BTBD8: variants seen among roughly 807,000 people sequenced by gnomAD.
BTBD8 encodes the protein BTB domain containing 8.
BTBD8 carries 110 observed loss-of-function variants against 162.9 expected under a neutral mutation model. The ratio of observed to expected loss-of-function variants is 0.68; its 90% CI spans 0.58 to 0.79. The LOEUF is 0.79. Among genes scored for constraint, BTBD8 ranks in the 30% least tolerant of loss-of-function variants. The probability of loss-of-function intolerance (pLI) is 0.00; values close to 1 mark genes in which losing one functional copy is unlikely to be tolerated. For missense variants in BTBD8, 1,905 were observed against 2,085.4 expected (o/e 0.91, Z 1.68); for synonymous variants, 667 against 716.1 (o/e 0.93, Z 1.10).
At chr1:92,120,707 G>C (rs1391168781) in intron 4 of BTBD8, among the ~76,000 whole-genome samples, 3 of 152,012 alleles carry the variant, frequency 2.0e-5, no homozygotes, top group Non-Finnish European at 4.4e-5. Context: ...TAATCTTATG[G>C]GACCATCTTC....
chr1:92,182,499 C>T lies in BTBD8; in HGVS notation c.4816C>T (p.Leu1606=), dbSNP rs1162230041. 4 of 1,550,518 alleles carry T rather than the reference C, an allele frequency of 2.6e-6. No individual in the cohort carries two copies. The South Asian group carries it at 3.6e-5, about 14-fold the overall frequency. Reference sequence around the variant, plus strand: ...ACCAAAGAACAGCTCTACAAAATCTCTAGACTCCTTTCGGAGTCAAGTTCT... The same window carrying T: ...ACCAAAGAACAGCTCTACAAAATCTTTAGACTCCTTTCGGAGTCAAGTTCT... The part of the protein sequence containing the change: ...DIPKNSSTKS[L]DSFRSQVLPQ... The change falls in exon 17 of 18, where the codon CTA becomes TTA. Residue 1606 remains leucine, a synonymous_variant. Transcript: ENST00000636805.
intron 4 of BTBD8, among the ~76,000 whole-genome samples, chr1:92,128,883 C>T (rs1026617506): frequency 1.3e-5 from 2 of 151,764 alleles, no homozygotes; most frequent in East Asian, 1.9e-4. Context: ...TTTCCCAGGT[C>T]GTTTAAATTG....
Position 92,182,239 on chromosome 1 carries a change from G to A in BTBD8, c.4556G>A (p.Ser1519Asn), listed in dbSNP as rs1650934349. Residue 1519 changes from serine to asparagine, a missense_variant, in exon 17 of 18, where the codon AGC becomes AAC. By Grantham distance (46) the Ser-to-Asn change is conservative. This residue lies in a region of BTBD8 where 517 missense variants were observed against 606.6 expected (regional missense o/e 0.85). Coordinates refer to ENST00000636805, the MANE Select transcript of BTBD8 (RefSeq NM_001376131.1). ...KNESTVLDLS[S>N]IDSSRKNKQS... is the part of the protein sequence containing the mutation. ...GAAAGCACTGTCTTGGATCTTAGTA[G>A]CATTGACTCTTCAAGAAAAAATAAA... 2.6e-6 allele frequency: 4 copies of A among 1,550,878 alleles called. No individual in the cohort carries two copies. Among genetic ancestry groups the A allele is most frequent in the African/African-American group, 2.7e-5 (2 of 73,000 alleles).
chr1:92,113,040 A>G (rs1648940714), intron 4 of BTBD8, among the ~76,000 whole-genome samples: 1 of 152,224 alleles, frequency 6.6e-6, no homozygotes, highest in African/African-American at 2.4e-5. Context: ...AGCAAGGCGG[A>G]AATTAGGGCA....
chr1:92,087,958 A>T (rs1291094340), intron 1 of BTBD8, among the ~76,000 whole-genome samples: 1 of 152,222 alleles, frequency 6.6e-6, no homozygotes, highest in Non-Finnish European at 1.5e-5. Flanking sequence ...TTATATTATG[A>T]CATTTTCTAT....
chr1:92,114,598 A>G lies in BTBD8; in HGVS notation c.662+6597A>G, dbSNP rs1290851888. 1.3e-4 allele frequency among the ~76,000 whole-genome samples: 20 copies of G among 152,092 alleles called. 1 individual carries two copies. Among genetic ancestry groups the G allele is most frequent in the Admixed American group, 1.3e-3 (20 of 15,276 alleles). On this transcript the variant is annotated intron_variant, in intron 4 of 17. Transcript: ENST00000636805. ...CCTCTTTTATAGAAAAATAAAAACT[A>G]TATAGCAAACTTAGTACATTAAATA...
intron 13 of BTBD8, among the ~76,000 whole-genome samples, chr1:92,172,694 T>C (rs1650584741): frequency 6.6e-6 from 1 of 152,174 alleles, no homozygotes; most frequent in South Asian, 2.1e-4. Context: ...GAATAGGAAA[T>C]CCTTTTTTCT....
intron 12 of BTBD8, 37 bp from the exon 13 acceptor site, chr1:92,171,362 G>T: frequency 6.9e-7 from 1 of 1,459,580 alleles, no homozygotes; most frequent in South Asian, 1.3e-5. Flanking sequence ...TAATAATAAT[G>T]TTCCTTATAA....
intron 7 of BTBD8, among the ~76,000 whole-genome samples, chr1:92,144,220 C>T (rs1210872920): frequency 2.0e-5 from 3 of 151,824 alleles, no homozygotes; most frequent in South Asian, 2.1e-4. Context: ...GTGATGCACC[C>T]GCCTTGGCCT....
chr1:92,106,660 C>CAAAA (rs60676530), intron 3 of BTBD8, among the ~76,000 whole-genome samples: 175 of 9,950 alleles, frequency 0.018, 77 homozygotes, highest in East Asian at 0.047. Flanking sequence ...GACTCTGTCT[C>CAAAA]AAAAAAAAAA....
At chr1:92,084,065 A>G (rs1209971074) in intron 1 of BTBD8, among the ~76,000 whole-genome samples, 1 of 152,212 alleles carries the variant, frequency 6.6e-6, no homozygotes, top group Non-Finnish European at 1.5e-5. Context: ...CTAGTTATCC[A>G]AATATGAGAA....
At chr1:92,170,500 A>T (rs1650508915) in intron 12 of BTBD8, among the ~76,000 whole-genome samples, 1 of 152,128 alleles carries the variant, frequency 6.6e-6, no homozygotes, top group South Asian at 2.1e-4. Context: ...ACTGCAAATC[A>T]GTCCTATAGT....
intron 5 of BTBD8, among the ~76,000 whole-genome samples, chr1:92,133,081 ACAT>A (rs1387331870): frequency 6.6e-6 from 1 of 152,226 alleles, no homozygotes; most frequent in East Asian, 1.9e-4. Flanking sequence ...TTAAAAAATT[ACAT>A]CTTTTAGGAA....
chr1:92,156,465 G>A (rs548406184), intron 9 of BTBD8, among the ~76,000 whole-genome samples: 2 of 152,228 alleles, frequency 1.3e-5, no homozygotes, highest in Admixed American at 1.3e-4. Context: ...CTCCTCTTCA[G>A]TTTTTTGGAA....
Position 92,167,114 on chromosome 1 carries a change from A to T in BTBD8, c.1279A>T (p.Ser427Cys). 1 of 1,550,564 alleles carries T rather than the reference A, an allele frequency of 6.4e-7. No homozygotes were observed. Among genetic ancestry groups the T allele is most frequent in the Non-Finnish European group, 8.7e-7 (1 of 1,146,990 alleles). ...AGACAACTTCTCCAAGATTATTCAG[A>T]GTGAAAATTTTGCTCTTCTTTTACA... ...IVDNFSKIIQ[S>C]ENFALLLQSQ... The change falls in exon 10 of 18, where the codon AGT becomes TGT. Residue 427 changes from serine to cysteine, a missense_variant. Transcript: ENST00000636805.
chr1:92,080,654 A>C lies in BTBD8; in HGVS notation c.83A>C (p.Lys28Thr). 6.2e-7 allele frequency: 1 copy of C among 1,613,682 alleles called. No individual in the cohort carries two copies. ...AGVCSKGLQR[K>T]GPCERRRLKA... ...GTTTGCAGTAAGGGGTTGCAAAGGA[A>C]GGGGCCGTGTGAGCGGCGCCGGCTG... Residue 28 changes from lysine (K) to threonine (T), a missense_variant, in exon 1 of 18, where the codon AAG (lysine) becomes ACG (threonine). By Grantham distance (78) the Lys-to-Thr change is moderately conservative (BLOSUM62 -1). Transcript: ENST00000636805.
chr1:92,177,305 C>A lies in BTBD8; in HGVS notation c.2112C>A (p.Ala704=), dbSNP rs1480896501. 3 of 1,551,844 alleles carry A rather than the reference C, an allele frequency of 1.9e-6. No homozygotes were observed. The highest frequency in any genetic ancestry group is 2.6e-6 in the Non-Finnish European group (3 of 1,147,080). Residue 704 remains alanine (A), a synonymous_variant, in exon 14 of 18, where the codon GCC becomes GCA. Coordinates refer to ENST00000636805, the MANE Select transcript of BTBD8 (RefSeq NM_001376131.1). ...KVLTGNLNVQ[A]KAKPLKKATG... ...TCACAGGAAACTTAAATGTGCAAGC[C>A]AAAGCAAAGCCTTTGAAGAAAGCTA... is the stretch of plus-strand genomic sequence containing the variant.
At chr1:92,141,702 A>T (rs1649778116) in intron 7 of BTBD8, among the ~76,000 whole-genome samples, 1 of 152,184 alleles carries the variant, frequency 6.6e-6, no homozygotes, top group African/African-American at 2.4e-5. Context: ...GGTAAGTTAA[A>T]CATCTAAAGA....
chr1:92,102,804 G>T (rs1288333334), intron 3 of BTBD8, 135 bp downstream of exon 3: 5 of 768,408 alleles, frequency 6.5e-6, no homozygotes, highest in Middle Eastern at 4.3e-4. Context: ...GAAAACACTA[G>T]TATTGTTAAC....
Sources: gnomAD v4.1 joint callset for allele counts (sites outside exome capture counted in the v4.1 genomes callset) on GRCh38, gnomAD v4.1.1 for gene constraint, gnomAD v4.1.1 regional missense constraint, MANE v1.5 for transcripts, NCBI Gene and HGNC (gene_info 2026-07-23, HGNC 2026-07-21) for gene names.